SMG6: variants seen among roughly 807,000 people sequenced by gnomAD.
SMG6 encodes the protein SMG6 nonsense mediated mRNA decay factor.
In SMG6, 66 loss-of-function variants were observed where a neutral mutation model predicts 142.2. That is an observed-to-expected ratio of 0.46 (90% CI 0.38 to 0.57). SMG6 has a LOEUF of 0.57. Among genes scored for constraint, SMG6 ranks in the 20% least tolerant of loss-of-function variants. The pLI, the probability that SMG6 is intolerant of heterozygous loss-of-function variation, is 0.00. For synonymous variants in SMG6, 779 were observed against 702.4 expected, an observed-to-expected ratio of 1.11 and a Z score of -1.72; for missense variants, 1,793 against 1,832.0, an observed-to-expected ratio of 0.98 and a Z score of 0.39.
intron 8 of SMG6, among the ~76,000 whole-genome samples, chr17:2,254,449 C>T (rs1405060189): frequency 6.6e-6 from 1 of 152,178 alleles, no homozygotes; most frequent in African/African-American, 2.4e-5. Context: ...ACAATCGTGC[C>T]TCAGCTTCCC....
At chr17:2,303,479 T>G in intron 1 of SMG6, 154 bp downstream of exon 1, 1 of 1,321,546 alleles carries the variant, frequency 7.6e-7, no homozygotes, top group Non-Finnish European at 9.6e-7. Context: ...GCGAGAGAGG[T>G]AGGGCAGCGA....
rs757018579 is a variant in SMG6 at position 2,282,717 on chromosome 17, G to C, written c.2591C>G (p.Ser864Cys). 2.5e-6 allele frequency: 4 copies of C among 1,614,062 alleles called. No homozygotes were observed. The highest frequency in any genetic ancestry group is 3.4e-6 in the Non-Finnish European group (4 of 1,180,046). ...CTTCCCAGACTCAGTGCCCTGGGAA[G>C]ACCGTGGATGGGATGGATGAATCCA... ...EIWIHPSHPRSSQGTESGKDS... is the reference protein window; with the variant it reads ...EIWIHPSHPRCSQGTESGKDS... Residue 864 changes from serine to cysteine, a missense_variant, in exon 8 of 19, where the codon TCT becomes TGT. Physicochemically the swap from Ser to Cys is moderately radical, Grantham distance 112 (BLOSUM62 -1). Around this residue, in one of 3 missense-constraint regions of SMG6, gnomAD observed 1,597 missense variants for 1,584.6 expected, o/e 1.01. Coordinates refer to ENST00000263073, the MANE Select transcript of SMG6 (RefSeq NM_017575.5).
intron 13 of SMG6, chr17:2,128,007 G>T: frequency 2.1e-6 from 1 of 473,682 alleles, no homozygotes. Context: ...GAGTGTCAAA[G>T]GAGAGCTTCC....
At chr17:2,156,075 A>C (rs1449160226) in intron 13 of SMG6, among the ~76,000 whole-genome samples, 3 of 148,234 alleles carry the variant, frequency 2.0e-5, no homozygotes, top group African/African-American at 7.5e-5. Flanking sequence ...AACAAATGTC[A>C]ATTTCAGGGG....
At chr17:2,108,137 C>T (rs866541705) in intron 13 of SMG6, among the ~76,000 whole-genome samples, 3 of 151,604 alleles carry the variant, frequency 2.0e-5, no homozygotes, top group Non-Finnish European at 2.9e-5. Flanking sequence ...GGGTAGAAAA[C>T]GGAAATGAAG....
chr17:2,255,176 G>A (rs1044823294), intron 8 of SMG6, among the ~76,000 whole-genome samples: 15 of 151,824 alleles, frequency 9.9e-5, no homozygotes, highest in East Asian at 1.9e-4. Context: ...AGGCCGAGGC[G>A]GGCGGATCAC....
intron 15 of SMG6, among the ~76,000 whole-genome samples, chr17:2,081,594 G>A (rs532459581): frequency 2.6e-5 from 4 of 152,226 alleles, no homozygotes; most frequent in South Asian, 2.1e-4. Context: ...TGAGAAGACC[G>A]TACCCCTGCC....
chr17:2,166,864 C>T (rs548314968), intron 13 of SMG6, among the ~76,000 whole-genome samples: 12 of 152,134 alleles, frequency 7.9e-5, no homozygotes, highest in Non-Finnish European at 1.0e-4. Flanking sequence ...GTGGCTCATG[C>T]CTGTAATCCT....
chr17:2,136,937 T>C (rs2070323821), intron 13 of SMG6, among the ~76,000 whole-genome samples: 2 of 152,056 alleles, frequency 1.3e-5, no homozygotes, highest in African/African-American at 4.8e-5. Context: ...GGCAGGAGAA[T>C]TGCTTGAGCC....
intron 13 of SMG6, among the ~76,000 whole-genome samples, chr17:2,154,680 T>C (rs1317121673): frequency 1.3e-5 from 2 of 152,182 alleles, no homozygotes; most frequent in Non-Finnish European, 2.9e-5. Context: ...AAGGGATTAA[T>C]GTGCACAGAA....
chr17:2,295,185 C>G (rs1032539234), intron 4 of SMG6, among the ~76,000 whole-genome samples: 2 of 152,094 alleles, frequency 1.3e-5, no homozygotes, highest in Admixed American at 6.6e-5. Flanking sequence ...CCAAAAACAT[C>G]TGTCCATCAG....
chr17:2,167,131 CAAAAAAAAA>C (rs57898779), intron 13 of SMG6, among the ~76,000 whole-genome samples: 14 of 35,706 alleles, frequency 3.9e-4, no homozygotes, highest in African/African-American at 6.2e-4. Context: ...GACTCCATCT[CAAAAAAAAA>C]AAAAAAAAAA....
At chr17:2,099,727 A>G (rs1245887637) in intron 13 of SMG6, among the ~76,000 whole-genome samples, 2 of 152,252 alleles carry the variant, frequency 1.3e-5, no homozygotes, top group Non-Finnish European at 2.9e-5. Flanking sequence ...CGTGTAAGTC[A>G]GCAAATGGCT....
intron 15 of SMG6, among the ~76,000 whole-genome samples, chr17:2,074,101 G>C (rs1377937674): frequency 1.3e-5 from 2 of 152,130 alleles, no homozygotes; most frequent in Non-Finnish European, 2.9e-5. Flanking sequence ...GAGAGAGAGA[G>C]AGTCTAACTC....
intron 13 of SMG6, among the ~76,000 whole-genome samples, chr17:2,170,574 C>G (rs1173207944): frequency 6.6e-6 from 1 of 152,250 alleles, no homozygotes; most frequent in Non-Finnish European, 1.5e-5. Context: ...GCCTCACATA[C>G]TACAAATCCC....
At chr17:2,072,580 C>G (rs1463466997) in intron 15 of SMG6, among the ~76,000 whole-genome samples, 1 of 152,168 alleles carries the variant, frequency 6.6e-6, no homozygotes, top group African/African-American at 2.4e-5. Flanking sequence ...AGTTCCTTCT[C>G]TACGGTGGAG....
chr17:2,277,186 T>TTGA (rs2074677474), intron 8 of SMG6, among the ~76,000 whole-genome samples: 1 of 135,686 alleles, frequency 7.4e-6, no homozygotes, highest in African/African-American at 2.8e-5. Flanking sequence ...TTTTTTTTTT[T>TTGA]GAGACAGAGT....
At chr17:2,297,760 G>A in intron 3 of SMG6, 103 bp downstream of exon 3, 11 of 1,351,330 alleles carry the variant, frequency 8.1e-6, no homozygotes, top group Non-Finnish European at 1.0e-5. Context: ...CAGTTTTTTT[G>A]TCGATATTCT....
intron 10 of SMG6, among the ~76,000 whole-genome samples, chr17:2,220,387 T>C (rs928156724): frequency 6.6e-6 from 1 of 152,186 alleles, no homozygotes; most frequent in African/African-American, 2.4e-5. Context: ...TCCCAAGACT[T>C]TGGGAGGCCG....
Sources: gnomAD v4.1 joint callset for allele counts (sites outside exome capture counted in the v4.1 genomes callset) on GRCh38, gnomAD v4.1.1 for gene constraint, gnomAD v4.1.1 regional missense constraint, MANE v1.5 for transcripts, NCBI Gene and HGNC (gene_info 2026-07-23, HGNC 2026-07-21) for gene names.